SGCZ: variants seen among roughly 807,000 people sequenced by gnomAD.
The protein encoded by SGCZ is zeta-sarcoglycan.
In SGCZ, 40 loss-of-function variants were observed where a neutral mutation model predicts 41.3. The observed-to-expected ratio is 0.97, with a 90% CI of 0.75 to 1.26. The LOEUF is 1.26. Ranked by LOEUF, SGCZ falls within the 50% of genes most tolerant of loss-of-function variation. SGCZ has a pLI of 0.00. For synonymous variants in SGCZ, 206 were observed against 137.5 expected (o/e 1.50, Z -3.49); for missense variants, 552 against 369.8 (o/e 1.49, Z -4.04).
intron 1 of SGCZ, among the ~76,000 whole-genome samples, chr8:14,769,562 C>T (rs1331727821): frequency 6.6e-6 from 1 of 152,030 alleles, no homozygotes; most frequent in African/African-American, 2.4e-5. Flanking sequence ...GAAGCTGAGG[C>T]AGGTGGATCA....
At chr8:14,999,550 A>G (rs954181327) in intron 1 of SGCZ, among the ~76,000 whole-genome samples, 2 of 152,182 alleles carry the variant, frequency 1.3e-5, no homozygotes, top group African/African-American at 4.8e-5. Flanking sequence ...GGGTCGAGAA[A>G]AAGGAGGAAG....
At chr8:15,035,312 T>C (rs1803834715) in intron 1 of SGCZ, among the ~76,000 whole-genome samples, 1 of 152,070 alleles carries the variant, frequency 6.6e-6, no homozygotes, top group Non-Finnish European at 1.5e-5. Context: ...TTATATAAGC[T>C]TCATAGTAAC....
chr8:14,186,493 T>C (rs1460417795), intron 4 of SGCZ, among the ~76,000 whole-genome samples: 1 of 152,172 alleles, frequency 6.6e-6, no homozygotes, highest in Non-Finnish European at 1.5e-5. Flanking sequence ...GCCCTGGTTC[T>C]TTCATAGGAT....
chr8:14,618,399 T>C (rs986144224), intron 1 of SGCZ, among the ~76,000 whole-genome samples: 8 of 152,068 alleles, frequency 5.3e-5, no homozygotes, highest in African/African-American at 1.9e-4. Context: ...ATGAAGATAT[T>C]TGAAGCAAAA....
chr8:14,750,952 G>C (rs368570829), intron 1 of SGCZ, among the ~76,000 whole-genome samples: 2 of 152,126 alleles, frequency 1.3e-5, no homozygotes, highest in East Asian at 1.9e-4. Context: ...GGCTGACATG[G>C]TTAATAACAG....
intron 3 of SGCZ, among the ~76,000 whole-genome samples, chr8:14,239,643 C>A (rs1439424647): frequency 6.6e-6 from 1 of 151,630 alleles, no homozygotes; most frequent in East Asian, 1.9e-4. Flanking sequence ...TATTTCACGC[C>A]TGTAATTCCA....
chr8:14,935,830 A>G (rs1013523142), intron 1 of SGCZ, among the ~76,000 whole-genome samples: 1 of 151,880 alleles, frequency 6.6e-6, no homozygotes, highest in African/African-American at 2.4e-5. Context: ...CAAAATACAT[A>G]TAAAGGGACC....
chr8:14,994,355 G>A (rs955502315), intron 1 of SGCZ, among the ~76,000 whole-genome samples: 3 of 152,030 alleles, frequency 2.0e-5, no homozygotes, highest in Non-Finnish European at 4.4e-5. Context: ...AGGCCGAGGC[G>A]GGCAGATTGC....
At chr8:14,158,456 G>C (rs1030766759) in intron 5 of SGCZ, among the ~76,000 whole-genome samples, 1 of 152,182 alleles carries the variant, frequency 6.6e-6, no homozygotes, top group African/African-American at 2.4e-5. Flanking sequence ...CCTAGATTGA[G>C]GGTTAGTCTG....
intron 1 of SGCZ, among the ~76,000 whole-genome samples, chr8:15,162,234 T>C (rs916408808): frequency 3.3e-5 from 5 of 151,742 alleles, no homozygotes; most frequent in Admixed American, 6.6e-5. Context: ...ACCCATACCA[T>C]AGCTTTTGCA....
intron 3 of SGCZ, among the ~76,000 whole-genome samples, chr8:14,265,725 G>C (rs1001206192): frequency 2.0e-5 from 3 of 150,486 alleles, no homozygotes; most frequent in Non-Finnish European, 1.5e-5. Context: ...AAAATGTAGA[G>C]AGACAATTCA....
At chr8:14,603,527 A>G (rs1805657245) in intron 1 of SGCZ, among the ~76,000 whole-genome samples, 2 of 152,154 alleles carry the variant, frequency 1.3e-5, no homozygotes, top group South Asian at 2.1e-4. Context: ...AGTATCTTCA[A>G]ACTAACAGCA....
chr8:14,794,893 A>T (rs1406557288), intron 1 of SGCZ, among the ~76,000 whole-genome samples: 1 of 152,226 alleles, frequency 6.6e-6, no homozygotes, highest in Non-Finnish European at 1.5e-5. Flanking sequence ...CCTTTAAAAA[A>T]TCTAAAGAAA....
chr8:14,654,673 G>A (rs903778672), intron 1 of SGCZ, among the ~76,000 whole-genome samples: 23 of 152,036 alleles, frequency 1.5e-4, no homozygotes, highest in African/African-American at 5.3e-4. Flanking sequence ...CCGAGTTCAA[G>A]CGATTCTCCT....
intron 1 of SGCZ, among the ~76,000 whole-genome samples, chr8:15,177,213 G>A (rs1800027170): frequency 6.6e-6 from 1 of 152,124 alleles, no homozygotes; most frequent in Non-Finnish European, 1.5e-5. Flanking sequence ...CATGCCTCCA[G>A]AATCAAGAGA....
chr8:14,135,903 A>C (rs1452698231), intron 5 of SGCZ, among the ~76,000 whole-genome samples: 3 of 152,212 alleles, frequency 2.0e-5, no homozygotes, highest in East Asian at 3.9e-4. Context: ...CAAAACGTTT[A>C]TAAAAGGAGT....
chr8:14,275,415 G>C (rs1413721236), intron 3 of SGCZ, among the ~76,000 whole-genome samples: 1 of 152,016 alleles, frequency 6.6e-6, no homozygotes, highest in African/African-American at 2.4e-5. Context: ...CAATCTAAAG[G>C]CTTCGAACAG....
Position 15,108,075 on chromosome 8 carries a change from G to A in SGCZ, c.39+129510C>T, listed in dbSNP as rs550584625. Reference sequence around the variant, plus strand: ...CCTTACCCCTCCCCTCAAGGAAATAGGTTTGGATTTATTTATGAATTCTAC... The same window carrying A: ...CCTTACCCCTCCCCTCAAGGAAATAAGTTTGGATTTATTTATGAATTCTAC... On this transcript the variant is annotated intron_variant, in intron 1 of 7. Transcript: ENST00000382080. 4.6e-5 allele frequency among the ~76,000 whole-genome samples: 7 copies of A among 152,172 alleles called. No homozygotes were observed. The East Asian group carries it at 7.7e-4, about 17-fold the overall frequency.
intron 1 of SGCZ, among the ~76,000 whole-genome samples, chr8:15,152,922 C>T (rs76012161): frequency 4.5e-4 from 68 of 152,152 alleles, no homozygotes; most frequent in African/African-American, 1.6e-3. Flanking sequence ...CTGCTCCAGT[C>T]TCCTGGGTAG....
Sources: allele counts gnomAD v4.1 joint callset (sites outside exome capture counted in the v4.1 genomes callset), GRCh38; gene constraint gnomAD v4.1.1; transcripts MANE v1.5; gene names NCBI Gene and HGNC (gene_info 2026-07-23, HGNC 2026-07-21).